The following NXPE2 variants were observed in gnomAD, a reference collection of about 807,000 sequenced individuals.
The protein encoded by NXPE2 is neurexophilin and PC-esterase domain family member 2, also known as NXPE family member 2.
Under a neutral mutation model 34.4 loss-of-function variants are expected in NXPE2, and 34 were observed. The observed-to-expected ratio is 0.99, with a 90% CI of 0.75 to 1.31. The LOEUF is 1.31. NXPE2 is among the 40% of genes most tolerant of loss of function. The probability of loss-of-function intolerance (pLI) is 0.00; values close to 1 mark genes in which losing one functional copy is unlikely to be tolerated. For synonymous variants in NXPE2, 235 were observed against 231.3 expected, an observed-to-expected ratio of 1.02 and a Z score of -0.15; for missense variants, 649 against 672.5, an observed-to-expected ratio of 0.97 and a Z score of 0.39.
At chr11:114,769,572 C>G in the NXPE2 span, among the ~76,000 whole-genome samples, 26 of 152,222 alleles carry the variant, frequency 1.7e-4, no homozygotes, top group African/African-American at 6.0e-4. Context: ...AAATGCCCAT[C>G]AATGATAGAC....
chr11:114,616,209 C>G, the NXPE2 span, among the ~76,000 whole-genome samples: 1 of 151,460 alleles, frequency 6.6e-6, no homozygotes, highest in Non-Finnish European at 1.5e-5. Context: ...CTGCTGTTAC[C>G]TGGTGGATAA....
At chr11:114,469,178 G>A in the NXPE2 span, among the ~76,000 whole-genome samples, 32 of 135,460 alleles carry the variant, frequency 2.4e-4, no homozygotes, top group Admixed American at 1.1e-3. Context: ...GCTGTGGTGC[G>A]ATGACTCACT....
In NXPE2 at chr11:114,706,547, C is replaced by A; in HGVS notation, c.1297C>A (p.Arg433=). The A allele has an allele frequency of 6.4e-7, 1 of 1,551,808 alleles. No individual in the cohort carries two copies. The highest frequency in any genetic ancestry group is 8.7e-7 in the Non-Finnish European group (1 of 1,147,002). ...AGTGAAAGATGAAAACTATATCCCA[C>A]GGGAAATTGACCAGGTAGCAGGAGA... ...FSVKDENYIP[R]EIDQVAGDKN... The change falls in exon 6 of 6, where the codon CGG becomes AGG. Residue 433 remains arginine, a synonymous_variant. Transcript: ENST00000389586.
downstream of NXPE2, among the ~76,000 whole-genome samples, chr11:114,708,357 C>T (rs77490637): frequency 5.8e-3 from 885 of 152,172 alleles, 7 homozygotes; most frequent in African/African-American, 0.021. Flanking sequence ...GGGATCCCCT[C>T]CAGAGGGCCT....
At chr11:114,528,854 A>T in the NXPE2 span, 1 of 664,350 alleles carries the variant, frequency 1.5e-6, no homozygotes, top group Non-Finnish European at 2.8e-6. Context: ...AAGGATCAGC[A>T]TGTTTTCATC....
chr11:114,769,177 C>T, the NXPE2 span, among the ~76,000 whole-genome samples: 14 of 151,696 alleles, frequency 9.2e-5, no homozygotes, highest in South Asian at 2.9e-3. Flanking sequence ...CAAAAGAAGA[C>T]ATTTATGTGA....
chr11:114,529,083 T>G, the NXPE2 span: 1 of 354,480 alleles, frequency 2.8e-6, no homozygotes, highest in Non-Finnish European at 5.0e-6. Flanking sequence ...TAGCATATTT[T>G]TTTTGAAAGC....
At chr11:114,803,742 C>T in the NXPE2 span, among the ~76,000 whole-genome samples, 2 of 152,016 alleles carry the variant, frequency 1.3e-5, no homozygotes, top group African/African-American at 2.4e-5. Flanking sequence ...ACGCCTGACT[C>T]ATTTTTTGTA....
chr11:114,771,008 A>G, the NXPE2 span, among the ~76,000 whole-genome samples: 1 of 152,198 alleles, frequency 6.6e-6, no homozygotes, highest in Non-Finnish European at 1.5e-5. Context: ...TTGCAGATAT[A>G]TTATGCACCT....
At chr11:114,681,952 G>A (rs1003258157) in intron 2 of NXPE2, among the ~76,000 whole-genome samples, 5 of 152,002 alleles carry the variant, frequency 3.3e-5, no homozygotes, top group Non-Finnish European at 7.4e-5. Flanking sequence ...AAATATCAAA[G>A]GTTTAAAACA....
the NXPE2 span, among the ~76,000 whole-genome samples, chr11:114,771,114 A>G: frequency 6.6e-6 from 1 of 151,960 alleles, no homozygotes; most frequent in African/African-American, 2.4e-5. Context: ...CTCCTTTCCT[A>G]TCAAGACTTG....
the NXPE2 span, among the ~76,000 whole-genome samples, chr11:114,615,205 C>T: frequency 2.3e-4 from 35 of 151,818 alleles, no homozygotes; most frequent in African/African-American, 4.6e-4. Flanking sequence ...CACTGTTAGC[C>T]GGTGGATACT....
At chr11:114,607,537 G>A in the NXPE2 span, among the ~76,000 whole-genome samples, 13 of 151,166 alleles carry the variant, frequency 8.6e-5, no homozygotes, top group East Asian at 2.0e-4. Context: ...ACTGTTACCC[G>A]GTAGATAATA....
the NXPE2 span, among the ~76,000 whole-genome samples, chr11:114,485,833 T>C: frequency 2.0e-5 from 3 of 152,328 alleles, no homozygotes; most frequent in African/African-American, 7.2e-5. Context: ...CAGGACCTCA[T>C]TGTTTTTTAC....
chr11:114,493,881 A>G, the NXPE2 span, among the ~76,000 whole-genome samples: 4 of 152,066 alleles, frequency 2.6e-5, no homozygotes, highest in African/African-American at 9.7e-5. Context: ...CATTTCTTAT[A>G]GAAAAGGTCT....
At chr11:114,704,128 T>G in intron 4 of NXPE2, 76 bp downstream of exon 4, 2 of 1,075,316 alleles carry the variant, frequency 1.9e-6, no homozygotes, top group Non-Finnish European at 2.8e-6. Flanking sequence ...GAGATATTTA[T>G]TCCACATTAA....
intron 2 of NXPE2, among the ~76,000 whole-genome samples, chr11:114,685,988 G>T (rs530400413): frequency 8.6e-5 from 13 of 151,924 alleles, no homozygotes; most frequent in Non-Finnish European, 1.8e-4. Context: ...GAAATGTTCT[G>T]TATCTTGACT....
At chr11:114,791,950 C>A in the NXPE2 span, among the ~76,000 whole-genome samples, 467 of 152,120 alleles carry the variant, frequency 3.1e-3, 1 homozygote, top group African/African-American at 0.011. Context: ...CACAGCTACT[C>A]GGGAGGCTGA....
chr11:114,493,452 T>C, the NXPE2 span, among the ~76,000 whole-genome samples: 1 of 152,216 alleles, frequency 6.6e-6, no homozygotes, highest in South Asian at 2.1e-4. Flanking sequence ...TGGTATGTTT[T>C]AACTTCTTGC....
Sources: gnomAD v4.1 joint callset for allele counts (sites outside exome capture counted in the v4.1 genomes callset) on GRCh38, gnomAD v4.1.1 for gene constraint, MANE v1.5 for transcripts, NCBI Gene and HGNC (gene_info 2026-07-23, HGNC 2026-07-21) for gene names.